The following ZFYVE1 variants were observed in gnomAD, a reference collection of about 807,000 sequenced individuals.
The protein encoded by ZFYVE1 is zinc finger FYVE domain-containing protein 1.
In ZFYVE1, 30 loss-of-function variants were observed where a neutral mutation model predicts 74.4. The ratio of observed to expected loss-of-function variants is 0.40; its 90% CI spans 0.30 to 0.55. ZFYVE1 has a LOEUF of 0.55. Among genes scored for constraint, ZFYVE1 ranks in the 20% least tolerant of loss-of-function variants. The pLI, the probability that ZFYVE1 is intolerant of heterozygous loss-of-function variation, is 0.42. For missense variants in ZFYVE1, 703 were observed against 1,011.6 expected, an observed-to-expected ratio of 0.69 and a Z score of 4.14; for synonymous variants, 335 against 385.1, an observed-to-expected ratio of 0.87 and a Z score of 1.52.
intron 2 of ZFYVE1, among the ~76,000 whole-genome samples, chr14:73,003,659 G>A (rs12887007): frequency 0.3 from 45,678 of 151,760 alleles, 7,274 homozygotes; most frequent in Middle Eastern, 0.39. Flanking sequence ...GCAGTGGGCC[G>A]AGATCGTGCC....
At chr14:73,012,459 T>C (rs1293857582) in intron 2 of ZFYVE1, among the ~76,000 whole-genome samples, 1 of 152,090 alleles carries the variant, frequency 6.6e-6, no homozygotes, top group African/African-American at 2.4e-5. Context: ...CTGTCTTTAC[T>C]AAAAATAACA....
At chr14:73,013,629 A>T (rs1266755638) in intron 2 of ZFYVE1, among the ~76,000 whole-genome samples, 1 of 151,878 alleles carries the variant, frequency 6.6e-6, no homozygotes, top group Non-Finnish European at 1.5e-5. Flanking sequence ...CAAGAAAAGA[A>T]GGGGAAAATG....
intron 2 of ZFYVE1, among the ~76,000 whole-genome samples, chr14:73,023,401 A>G (rs1404366068): frequency 7.5e-6 from 1 of 133,508 alleles, no homozygotes; most frequent in African/African-American, 2.9e-5. Context: ...TGTGTTTTAT[A>G]TATAATATAT....
At chr14:73,012,535 T>C (rs1160260309) in intron 2 of ZFYVE1, among the ~76,000 whole-genome samples, 3 of 152,050 alleles carry the variant, frequency 2.0e-5, no homozygotes, top group South Asian at 4.1e-4. Context: ...GACAGGAGAA[T>C]TGCTTGAACC....
intron 2 of ZFYVE1, among the ~76,000 whole-genome samples, chr14:73,023,244 ATATATAT>A (rs1894361926): frequency 1.6e-5 from 2 of 123,094 alleles, no homozygotes; most frequent in South Asian, 5.1e-4. Flanking sequence ...TATATGTAAT[ATATATAT>A]TATATGTTTT....
chr14:72,984,614 G>A (rs1371992040), intron 4 of ZFYVE1, among the ~76,000 whole-genome samples: 1 of 152,090 alleles, frequency 6.6e-6, no homozygotes, highest in African/African-American at 2.4e-5. Context: ...TGAGAAGCAG[G>A]GCAAGTGGAA....
chr14:73,013,004 C>A (rs1013058120), intron 2 of ZFYVE1, among the ~76,000 whole-genome samples: 11 of 152,114 alleles, frequency 7.2e-5, no homozygotes, highest in Non-Finnish European at 1.5e-4. Context: ...TTCACTTGAA[C>A]CTGAGGGTCT....
At chr14:73,015,708 A>C (rs1186258311) in intron 2 of ZFYVE1, among the ~76,000 whole-genome samples, 2 of 152,158 alleles carry the variant, frequency 1.3e-5, no homozygotes, top group Non-Finnish European at 2.9e-5. Context: ...CCTGAACTCC[A>C]CTAGAATAAC....
At chr14:73,001,808 C>T (rs1015117212) in intron 2 of ZFYVE1, among the ~76,000 whole-genome samples, 15 of 151,178 alleles carry the variant, frequency 9.9e-5, no homozygotes, top group African/African-American at 3.7e-4. Context: ...ATTAGCCAGG[C>T]GTGGTGGCAC....
At chr14:73,005,712 G>C (rs915676685) in intron 2 of ZFYVE1, among the ~76,000 whole-genome samples, 1 of 152,140 alleles carries the variant, frequency 6.6e-6, no homozygotes, top group African/African-American at 2.4e-5. Context: ...ACAGTGCCTG[G>C]CATGGAGTAA....
At chr14:73,005,330 G>C (rs994340496) in intron 2 of ZFYVE1, among the ~76,000 whole-genome samples, 29 of 152,128 alleles carry the variant, frequency 1.9e-4, no homozygotes, top group African/African-American at 6.5e-4. Context: ...TGTTCGGCTT[G>C]TCTACACTCA....
At chr14:72,998,931 C>T (rs1055423131) in intron 2 of ZFYVE1, among the ~76,000 whole-genome samples, 3 of 151,012 alleles carry the variant, frequency 2.0e-5, no homozygotes, top group African/African-American at 7.3e-5. Flanking sequence ...TGGTGAAATC[C>T]TGTCTCTGCT....
In ZFYVE1 at chr14:73,019,926, G is replaced by A. The variant is rs1950592568; in HGVS notation, c.483+4100C>T. ...AGATCACACCACGGCACTCCAGCCG[G>A]GGCAACAGAGTGAGACTCAGTCTCA... is the stretch of plus-strand genomic sequence containing the variant. On this transcript the variant is annotated intron_variant, in intron 2 of 11. Transcript: ENST00000556143. 3.3e-5 allele frequency among the ~76,000 whole-genome samples: 5 copies of A among 150,590 alleles called. 1 individual carries two copies. The highest frequency in any genetic ancestry group is 4.2e-4 in the South Asian group (2 of 4,758).
Position 72,974,773 on chromosome 14 carries a change from C to G in ZFYVE1, c.1987+6G>C. Reference sequence around the variant, plus strand: ...CCACCCCTGCAGCTCCCAGGTCCCACGTTACCTAACTGGACGTTCCTGGCT... The same window carrying G: ...CCACCCCTGCAGCTCCCAGGTCCCAGGTTACCTAACTGGACGTTCCTGGCT... On this transcript the variant is annotated splice_donor_region_variant and intron_variant, in intron 10 of 11. Transcript: ENST00000556143. The G allele has an allele frequency of 1.3e-6, 2 of 1,591,560 alleles. No individual in the cohort carries two copies. The highest frequency in any genetic ancestry group is 1.7e-6 in the Non-Finnish European group (2 of 1,163,022).
intron 2 of ZFYVE1, among the ~76,000 whole-genome samples, chr14:73,021,078 C>G (rs1366809229): frequency 6.6e-6 from 1 of 152,198 alleles, no homozygotes; most frequent in Non-Finnish European, 1.5e-5. Flanking sequence ...GGCACAGTCA[C>G]TCACGCCTGT....
At chr14:72,993,451 C>G in intron 3 of ZFYVE1, 94 bp from the exon 4 acceptor site, 1 of 1,211,636 alleles carries the variant, frequency 8.3e-7, no homozygotes. Context: ...ACCTGTAACC[C>G]TAGCACTTTG....
In ZFYVE1 at chr14:73,024,534, C is replaced by T. The variant is rs763541449; in HGVS notation, c.-26G>A. 4.5e-6 allele frequency: 7 copies of T among 1,569,148 alleles called. No homozygotes were observed. In the African/African-American group the frequency reaches 9.5e-5, roughly 21 times the overall value. On this transcript the variant is annotated 5_prime_UTR_variant, in exon 2 of 12. Coordinates refer to ENST00000556143, the MANE Select transcript of ZFYVE1 (RefSeq NM_021260.4). ...ACTCACGCTGGTAAGGAAACACACC[C>T]ACCATATAATAGTCACTGAGCTTGC... is the stretch of plus-strand genomic sequence containing the variant.
At chr14:72,984,792 G>A (rs188909987) in intron 4 of ZFYVE1, among the ~76,000 whole-genome samples, 46 of 152,168 alleles carry the variant, frequency 3.0e-4, no homozygotes, top group South Asian at 8.3e-4. Context: ...ACTGTAACTC[G>A]GTATTAAATA....
chr14:72,990,353 G>A (rs560354557), intron 4 of ZFYVE1, among the ~76,000 whole-genome samples: 2 of 151,458 alleles, frequency 1.3e-5, no homozygotes, highest in South Asian at 4.2e-4. Context: ...GTGAAATTTT[G>A]AGGATGCCAG....
Sources: allele counts gnomAD v4.1 joint callset (sites outside exome capture counted in the v4.1 genomes callset), GRCh38; gene constraint gnomAD v4.1.1; transcripts MANE v1.5; gene names NCBI Gene and HGNC (gene_info 2026-07-23, HGNC 2026-07-21).